GADL1: variants seen among roughly 807,000 people sequenced by gnomAD.
The protein encoded by GADL1 is GAD like acidic amino acid decarboxylase 1.
A neutral mutation model predicts 69.5 loss-of-function variants in GADL1; 71 were observed. That is an observed-to-expected ratio of 1.02 (90% CI 0.84 to 1.25). The LOEUF is 1.25. GADL1 is among the 50% of genes most tolerant of loss of function. GADL1 has a pLI of 0.00. For synonymous variants in GADL1, 254 were observed against 214.4 expected (o/e 1.18, Z -1.62); for missense variants, 737 against 631.8 (o/e 1.17, Z -1.79).
intron 14 of GADL1, among the ~76,000 whole-genome samples, chr3:30,764,318 G>T (rs763830303): frequency 5.8e-4 from 89 of 152,168 alleles, no homozygotes; most frequent in Middle Eastern, 3.4e-3. Flanking sequence ...GATAGATTCT[G>T]GTGTGTAGAC....
chr3:30,751,789 CAT>C (rs956254566), intron 14 of GADL1, among the ~76,000 whole-genome samples: 3 of 138,628 alleles, frequency 2.2e-5, no homozygotes, highest in South Asian at 2.4e-4. Flanking sequence ...TTTCATGGCT[CAT>C]AGTTTTTAGA....
At chr3:30,739,648 C>T (rs1283317252) in intron 14 of GADL1, among the ~76,000 whole-genome samples, 1 of 152,138 alleles carries the variant, frequency 6.6e-6, no homozygotes, top group Non-Finnish European at 1.5e-5. Context: ...CCTAAAACAC[C>T]TTGGTATTTC....
chr3:30,855,100 T>A (rs1421010650), intron 3 of GADL1, among the ~76,000 whole-genome samples: 1 of 152,058 alleles, frequency 6.6e-6, no homozygotes, highest in African/African-American at 2.4e-5. Context: ...TACAAATTCA[T>A]CATGCCGAGC....
At chr3:30,886,029 A>T (rs1485424232) in intron 1 of GADL1, among the ~76,000 whole-genome samples, 1 of 152,168 alleles carries the variant, frequency 6.6e-6, no homozygotes, top group African/African-American at 2.4e-5. Context: ...TTAGCAATAA[A>T]TTTGAAAAAT....
At position 30,756,787 on chromosome 3, in the gene GADL1, C is replaced by T. The variant is rs140876012; in HGVS notation, c.1392+21392G>A. Among the ~76,000 whole-genome samples, 1,020 of 152,278 alleles carry T rather than the reference C, an allele frequency of 6.7e-3. 12 individuals are homozygous for T. Among genetic ancestry groups the T allele is most frequent in the African/African-American group, 0.023 (960 of 41,550 alleles). ...GCCAAGATCCAGCAGAGCTCCCTAC[C>T]TGACCCATAGCTGATGGCTTGTCTC... On this transcript the variant is annotated intron_variant, in intron 14 of 14. Transcript: ENST00000282538.
In GADL1 at chr3:30,728,230, C is replaced by G. The variant is rs368884999; in HGVS notation, c.*12G>C. On this transcript the variant is annotated 3_prime_UTR_variant, in exon 15 of 15. Transcript: ENST00000282538. Reference sequence around the variant, plus strand: ...GGATAGGATCTATGCCTCTGGGGGACCAAAGCCACAGCTACATGTCTTTAC... The same window carrying G: ...GGATAGGATCTATGCCTCTGGGGGAGCAAAGCCACAGCTACATGTCTTTAC... 9 of 1,611,538 alleles carry G rather than the reference C, an allele frequency of 5.6e-6. No homozygotes were observed. The African/African-American group carries it at 1.1e-4, about 19-fold the overall frequency.
chr3:30,882,157 G>A (rs1698652501), intron 1 of GADL1, among the ~76,000 whole-genome samples: 1 of 151,490 alleles, frequency 6.6e-6, no homozygotes, highest in Non-Finnish European at 1.5e-5. Flanking sequence ...ATTTTTTATT[G>A]TGGTAAAACA....
chr3:30,816,525 GTTTTCTT>G (rs1697472858), intron 11 of GADL1, among the ~76,000 whole-genome samples: 1 of 40,754 alleles, frequency 2.5e-5, no homozygotes, highest in African/African-American at 6.4e-5. Context: ...TTCTTAATTT[GTTTTCTT>G]TTTTTTTTTT....
At chr3:30,787,514 A>ACT (rs1168710272) in intron 12 of GADL1, among the ~76,000 whole-genome samples, 2 of 152,124 alleles carry the variant, frequency 1.3e-5, no homozygotes, top group African/African-American at 4.8e-5. Flanking sequence ...CAAATCTAGG[A>ACT]CTCAAACATA....
chr3:30,785,251 C>T (rs1696762793), intron 13 of GADL1, among the ~76,000 whole-genome samples: 1 of 152,046 alleles, frequency 6.6e-6, no homozygotes, highest in South Asian at 2.1e-4. Context: ...CTTTCAGTTT[C>T]CACTTGAATG....
chr3:30,806,742 G>A (rs1697263464), intron 11 of GADL1, among the ~76,000 whole-genome samples: 1 of 152,174 alleles, frequency 6.6e-6, no homozygotes, highest in Non-Finnish European at 1.5e-5. Flanking sequence ...AAAAGTGAGG[G>A]ACAGCTGGAC....
chr3:30,769,547 A>T (rs1190034244), intron 14 of GADL1, among the ~76,000 whole-genome samples: 1 of 71,386 alleles, frequency 1.4e-5, no homozygotes, highest in South Asian at 7.0e-4. Context: ...TGGTCTAATC[A>T]TGGGCCAGCT....
chr3:30,847,740 G>T (rs954770839), intron 6 of GADL1, among the ~76,000 whole-genome samples: 3 of 152,148 alleles, frequency 2.0e-5, no homozygotes, highest in African/African-American at 7.2e-5. Flanking sequence ...TCCAGCTTCT[G>T]CTGACATGTT....
At chr3:30,753,889 T>C (rs1374823074) in intron 14 of GADL1, among the ~76,000 whole-genome samples, 2 of 152,272 alleles carry the variant, frequency 1.3e-5, no homozygotes, top group Admixed American at 1.3e-4. Context: ...ACCCTGCAAA[T>C]GAGGTAACTA....
At chr3:30,812,518 T>G (rs1697377224) in intron 11 of GADL1, among the ~76,000 whole-genome samples, 1 of 152,166 alleles carries the variant, frequency 6.6e-6, no homozygotes, top group Non-Finnish European at 1.5e-5. Flanking sequence ...CTACTCCCTA[T>G]TATAAGAATA....
chr3:30,759,080 T>TC (rs1553636193), intron 14 of GADL1, among the ~76,000 whole-genome samples: 4 of 151,984 alleles, frequency 2.6e-5, no homozygotes, highest in South Asian at 2.1e-4. Flanking sequence ...CCGTTTTTTT[T>TC]CCAGTGCAGA....
At chr3:30,804,963 G>A (rs769148238) in intron 11 of GADL1, among the ~76,000 whole-genome samples, 11 of 152,224 alleles carry the variant, frequency 7.2e-5, no homozygotes, top group South Asian at 2.1e-4. Context: ...CTTTTGCAGC[G>A]CAAAGCAGAG....
At chr3:30,796,801 G>A (rs1697041452) in intron 12 of GADL1, among the ~76,000 whole-genome samples, 1 of 152,112 alleles carries the variant, frequency 6.6e-6, no homozygotes, top group African/African-American at 2.4e-5. Context: ...AATACCTTGA[G>A]TTAATGTTTC....
rs1358589040 is a variant in GADL1, at chr3:30,764,094, AAAATGC to A, written c.1392+14079_1392+14084del. Among the ~76,000 whole-genome samples the A allele has an allele frequency of 7.2e-5, 11 of 152,310 alleles. No homozygotes were observed. The East Asian group carries it at 2.1e-3, about 29-fold the overall frequency. On this transcript the variant is annotated intron_variant, in intron 14 of 14. Coordinates refer to ENST00000282538, the MANE Select transcript of GADL1 (RefSeq NM_207359.3). ...AGCATAGAAAGTTTTAACATTCATA[AAAATGC>A]AAATGTACATTATATATACTTATGT... is the stretch of plus-strand genomic sequence containing the variant.
Sources: gnomAD v4.1 joint callset for allele counts (sites outside exome capture counted in the v4.1 genomes callset) on GRCh38, gnomAD v4.1.1 for gene constraint, MANE v1.5 for transcripts, NCBI Gene and HGNC (gene_info 2026-07-23, HGNC 2026-07-21) for gene names.